SLC44A5: variants seen among roughly 807,000 people sequenced by gnomAD.
The protein encoded by SLC44A5 is solute carrier family 44 member 5, also known as choline transporter-like protein 5.
A neutral mutation model predicts 101.8 loss-of-function variants in SLC44A5; 57 were observed. That is an observed-to-expected ratio of 0.56 (90% CI 0.45 to 0.70). The LOEUF is 0.70. Among genes scored for constraint, SLC44A5 ranks in the 30% least tolerant of loss-of-function variants. The pLI is 0.00. For missense variants in SLC44A5, 737 were observed against 853.1 expected (o/e 0.86, Z 1.70); for synonymous variants, 281 against 290.9 (o/e 0.97, Z 0.35).
intron 2 of SLC44A5, among the ~76,000 whole-genome samples, chr1:75,445,111 C>T (rs1036396224): frequency 2.6e-5 from 4 of 152,046 alleles, no homozygotes; most frequent in Non-Finnish European, 5.9e-5. Context: ...AAATGTGATC[C>T]TCAATATTAG....
intron 2 of SLC44A5, among the ~76,000 whole-genome samples, chr1:75,445,354 A>T (rs889089276): frequency 1.3e-5 from 2 of 152,046 alleles, no homozygotes; most frequent in Non-Finnish European, 1.5e-5. Flanking sequence ...AGCCAAGCAG[A>T]TGCTGGTGCC....
intron 1 of SLC44A5, among the ~76,000 whole-genome samples, chr1:75,559,859 A>C (rs1672421344): frequency 6.6e-6 from 1 of 152,192 alleles, no homozygotes; most frequent in South Asian, 2.1e-4. Flanking sequence ...CAAATAGCCA[A>C]GTAAAACATG....
chr1:75,627,910 G>A, the SLC44A5 span, among the ~76,000 whole-genome samples: 2 of 147,844 alleles, frequency 1.4e-5, no homozygotes, highest in African/African-American at 2.5e-5. Flanking sequence ...TGAGTTGAAA[G>A]AGAATTTATA....
At chr1:75,286,770 G>A (rs1212207542) in intron 5 of SLC44A5, among the ~76,000 whole-genome samples, 1 of 151,940 alleles carries the variant, frequency 6.6e-6, no homozygotes, top group Non-Finnish European at 1.5e-5. Flanking sequence ...GGAGCCTAAA[G>A]ATAGGACTCC....
chr1:75,585,802 G>C lies in SLC44A5; in HGVS notation c.-70+25238C>G, dbSNP rs191253245. On this transcript the variant is annotated intron_variant, in intron 1 of 23. Transcript: ENST00000370859. ...TTAAAGCATTGGTTCTCAAACTTCA[G>C]CATGATTCTAATGGGGGACTCATAA... is the stretch of plus-strand genomic sequence containing the variant. 3.3e-5 allele frequency among the ~76,000 whole-genome samples: 5 copies of C among 152,138 alleles called. No individual in the cohort carries two copies. The East Asian group carries it at 9.7e-4, about 29-fold the overall frequency.
the SLC44A5 span, among the ~76,000 whole-genome samples, chr1:75,635,673 G>T: frequency 4.0e-4 from 54 of 135,950 alleles, 1 homozygote; most frequent in Non-Finnish European, 7.5e-4. Context: ...GGGGGAGGGG[G>T]GGAGGAATAG....
intron 1 of SLC44A5, among the ~76,000 whole-genome samples, chr1:75,543,761 A>C (rs1671494859): frequency 6.6e-6 from 1 of 151,318 alleles, no homozygotes; most frequent in South Asian, 2.1e-4. Flanking sequence ...ATAAGGTAGC[A>C]ATCATCTGGG....
chr1:75,684,177 C>T, the SLC44A5 span, among the ~76,000 whole-genome samples: 1 of 152,148 alleles, frequency 6.6e-6, no homozygotes, highest in African/African-American at 2.4e-5. Flanking sequence ...ACCATGAGAA[C>T]AGTATGGGGG....
chr1:75,273,856 T>C lies in SLC44A5; in HGVS notation c.260+1102A>G, dbSNP rs941022799. On this transcript the variant is annotated intron_variant, in intron 6 of 23. Transcript: ENST00000370859. Reference sequence around the variant, plus strand: ...TAGGTTTCATTTTTGTTATGTTCTTTCCTGGTTTTAATATTAGGGTGATAC... The same window carrying C: ...TAGGTTTCATTTTTGTTATGTTCTTCCCTGGTTTTAATATTAGGGTGATAC... Among the ~76,000 whole-genome samples, 5 of 152,218 alleles carry C rather than the reference T, an allele frequency of 3.3e-5. No homozygotes were observed. In the South Asian group the frequency reaches 8.3e-4, roughly 25 times the overall value.
At chr1:75,234,949 A>G (rs892606421) in intron 11 of SLC44A5, among the ~76,000 whole-genome samples, 3 of 152,090 alleles carry the variant, frequency 2.0e-5, no homozygotes, top group African/African-American at 4.8e-5. Flanking sequence ...AAGAACTGAT[A>G]TGTCTGGTGC....
chr1:75,388,423 C>T (rs567134184), intron 3 of SLC44A5, among the ~76,000 whole-genome samples: 1 of 149,950 alleles, frequency 6.7e-6, no homozygotes, highest in South Asian at 2.1e-4. Flanking sequence ...ACAAAGTATC[C>T]AGCTAACAAC....
At chr1:75,364,906 A>G (rs1388964098) in intron 3 of SLC44A5, among the ~76,000 whole-genome samples, 1 of 151,882 alleles carries the variant, frequency 6.6e-6, no homozygotes, top group Non-Finnish European at 1.5e-5. Flanking sequence ...CACTTATTGT[A>G]TTTTTATTTC....
rs116359507 is a variant in SLC44A5, at chr1:75,426,014, G to C, written c.14-29393C>G. Among the ~76,000 whole-genome samples the C allele has an allele frequency of 5.6e-3, 854 of 151,848 alleles. 6 individuals are homozygous for C. Among genetic ancestry groups the C allele is most frequent in the African/African-American group, 0.02 (816 of 41,314 alleles). On this transcript the variant is annotated intron_variant, in intron 2 of 23. Transcript: ENST00000370859. ...TATTTGTCTCTAGAGAATGATGCCT[G>C]AGGGTTCAAAGGAAGTGAAGGTGTC...
At chr1:75,550,987 ATTG>A (rs1671905063) in intron 1 of SLC44A5, among the ~76,000 whole-genome samples, 1 of 152,176 alleles carries the variant, frequency 6.6e-6, no homozygotes, top group Non-Finnish European at 1.5e-5. Context: ...ATCTAAGATA[ATTG>A]TTGTTAGAAA....
chr1:75,648,764 T>TG, the SLC44A5 span, among the ~76,000 whole-genome samples: 1 of 150,608 alleles, frequency 6.6e-6, no homozygotes, highest in Non-Finnish European at 1.5e-5. Context: ...TGAACTTTGA[T>TG]GGGAAAAAAA....
upstream of SLC44A5, among the ~76,000 whole-genome samples, chr1:75,614,339 G>A (rs892462880): frequency 6.6e-6 from 1 of 152,130 alleles, no homozygotes; most frequent in Non-Finnish European, 1.5e-5. Flanking sequence ...AATTTTACAG[G>A]AGCTATAATA....
At chr1:75,619,144 G>C in the SLC44A5 span, among the ~76,000 whole-genome samples, 1 of 149,896 alleles carries the variant, frequency 6.7e-6, no homozygotes, top group Non-Finnish European at 1.5e-5. Flanking sequence ...GCGGGAAGGA[G>C]GCAGGGAGTG....
At chr1:75,321,177 A>G (rs1570668046) in intron 4 of SLC44A5, among the ~76,000 whole-genome samples, 2 of 152,112 alleles carry the variant, frequency 1.3e-5, no homozygotes, top group African/African-American at 4.8e-5. Flanking sequence ...TTACTTGCCT[A>G]TATTTATTGG....
At chr1:75,682,167 T>A in the SLC44A5 span, among the ~76,000 whole-genome samples, 2 of 152,144 alleles carry the variant, frequency 1.3e-5, no homozygotes, top group African/African-American at 4.8e-5. Flanking sequence ...ATCGTGAAAA[T>A]GGCCATACTG....
Sources: allele counts gnomAD v4.1 joint callset (sites outside exome capture counted in the v4.1 genomes callset), GRCh38; gene constraint gnomAD v4.1.1; transcripts MANE v1.5; gene names NCBI Gene and HGNC (gene_info 2026-07-23, HGNC 2026-07-21).